Variants in SPAG16 observed in about 807,000 individuals in gnomAD.
SPAG16 encodes sperm associated antigen 16, also known as sperm-associated antigen 16 protein.
Under a neutral mutation model 80.4 loss-of-function variants are expected in SPAG16, and 86 were observed. That is an observed-to-expected ratio of 1.07 (90% confidence interval 0.90 to 1.28). The LOEUF (loss-of-function observed/expected upper bound fraction) is 1.28. Among genes scored for constraint, SPAG16 ranks in the 50% most tolerant of loss-of-function variants. The probability of loss-of-function intolerance (pLI) is 0.00; values close to 1 mark genes in which losing one functional copy is unlikely to be tolerated. For synonymous variants in SPAG16, 294 were observed against 265.9 expected (o/e 1.11, Z -1.03); for missense variants, 870 against 765.3 (o/e 1.14, Z -1.61).
chr2:213,994,399 A>T (rs999682007), intron 12 of SPAG16, among the ~76,000 whole-genome samples: 1 of 152,170 alleles, frequency 6.6e-6, no homozygotes, highest in Non-Finnish European at 1.5e-5. Context: ...GAGGTGAGAT[A>T]ACAGATTCTC....
At chr2:214,076,893 C>T (rs2051108183) in intron 13 of SPAG16, among the ~76,000 whole-genome samples, 1 of 152,022 alleles carries the variant, frequency 6.6e-6, no homozygotes, top group Non-Finnish European at 1.5e-5. Context: ...TGATCAATAG[C>T]AAGTTGGATT....
At chr2:213,395,922 A>C (rs1249777153) in intron 9 of SPAG16, among the ~76,000 whole-genome samples, 6 of 152,188 alleles carry the variant, frequency 3.9e-5, no homozygotes, top group African/African-American at 7.2e-5. Flanking sequence ...TATTCAGATA[A>C]TTGCTGTTTC....
At chr2:214,000,779 A>T (rs1482228952) in intron 12 of SPAG16, among the ~76,000 whole-genome samples, 3 of 152,188 alleles carry the variant, frequency 2.0e-5, no homozygotes, top group Non-Finnish European at 1.5e-5. Context: ...TGGTCAGAAG[A>T]TACTGAGCTT....
chr2:214,348,561 C>T (rs111826583), intron 15 of SPAG16, among the ~76,000 whole-genome samples: 3,175 of 152,212 alleles, frequency 0.021, 133 homozygotes, highest in African/African-American at 0.073. Context: ...CTTTTGGAGT[C>T]CTGAGCTGCC....
At chr2:213,987,830 A>G (rs1032591486) in intron 12 of SPAG16, among the ~76,000 whole-genome samples, 1 of 147,808 alleles carries the variant, frequency 6.8e-6, no homozygotes, top group Non-Finnish European at 1.5e-5. Flanking sequence ...ATACATATTT[A>G]TATTATAAAA....
chr2:213,493,568 T>C (rs2074356428), intron 10 of SPAG16, among the ~76,000 whole-genome samples: 1 of 151,996 alleles, frequency 6.6e-6, no homozygotes, highest in African/African-American at 2.4e-5. Flanking sequence ...CACTAGTTGT[T>C]TGTTTGTTTG....
intron 9 of SPAG16, among the ~76,000 whole-genome samples, chr2:213,378,168 A>G (rs555455181): frequency 3.9e-5 from 6 of 152,158 alleles, no homozygotes; most frequent in Admixed American, 2.0e-4. Flanking sequence ...TATCCTAGCT[A>G]CACTAGGAGC....
At chr2:214,112,154 G>C (rs2053697568) in intron 14 of SPAG16, among the ~76,000 whole-genome samples, 1 of 152,278 alleles carries the variant, frequency 6.6e-6, no homozygotes, top group South Asian at 2.1e-4. Context: ...GTTCTAGTTT[G>C]ATTGCACTGT....
rs184098781 is a variant in SPAG16, at chr2:214,011,309, A to C, written c.1401-2642A>C. 2.4e-3 allele frequency among the ~76,000 whole-genome samples: 345 copies of C among 146,488 alleles called. 53 individuals carry two copies. Among genetic ancestry groups the C allele is most frequent in the African/African-American group, 8.9e-3 (335 of 37,464 alleles). On this transcript the variant is annotated intron_variant, in intron 12 of 15. Coordinates refer to ENST00000331683, the MANE Select transcript of SPAG16 (RefSeq NM_024532.5). ...ATTAAAAATAGCAGGTAAAATTTGT[A>C]CATAAAACAGTAATTTTTTAAAAGA...
intron 10 of SPAG16, among the ~76,000 whole-genome samples, chr2:213,721,913 G>T (rs796725266): frequency 6.6e-6 from 1 of 152,136 alleles, no homozygotes; most frequent in Admixed American, 6.5e-5. Context: ...GCATTTAAGC[G>T]TGTGATTAAC....
intron 10 of SPAG16, among the ~76,000 whole-genome samples, chr2:213,767,974 G>C (rs1045763843): frequency 6.6e-6 from 1 of 152,198 alleles, no homozygotes; most frequent in Non-Finnish European, 1.5e-5. Context: ...AGAAATGGCA[G>C]TGTGTCAAAG....
At chr2:214,189,337 A>G (rs1328510323) in intron 15 of SPAG16, among the ~76,000 whole-genome samples, 1 of 152,132 alleles carries the variant, frequency 6.6e-6, no homozygotes, top group East Asian at 1.9e-4. Context: ...TCACATTAAA[A>G]AAAAAATCAC....
intron 10 of SPAG16, among the ~76,000 whole-genome samples, chr2:213,789,479 G>A (rs980737615): frequency 6.6e-6 from 1 of 151,938 alleles, no homozygotes; most frequent in African/African-American, 2.4e-5. Flanking sequence ...GAGTATGTGT[G>A]GCATCTTTCC....
intron 10 of SPAG16, among the ~76,000 whole-genome samples, chr2:213,664,777 T>G (rs2063542603): frequency 6.6e-6 from 1 of 152,036 alleles, no homozygotes; most frequent in African/African-American, 2.4e-5. Context: ...AAATATTTTT[T>G]CTCTTTCCTC....
chr2:213,518,061 C>T (rs2075507656), intron 10 of SPAG16, among the ~76,000 whole-genome samples: 1 of 152,152 alleles, frequency 6.6e-6, no homozygotes, highest in Admixed American at 6.5e-5. Context: ...ATGCATCTGG[C>T]AAAGGCCTAG....
At chr2:213,660,422 G>A (rs1345290250) in intron 10 of SPAG16, among the ~76,000 whole-genome samples, 1 of 152,062 alleles carries the variant, frequency 6.6e-6, no homozygotes, top group Admixed American at 6.6e-5. Context: ...GTACATATGT[G>A]TGTATGATGT....
intron 9 of SPAG16, among the ~76,000 whole-genome samples, chr2:213,428,511 G>A (rs2070087004): frequency 6.6e-6 from 1 of 152,158 alleles, no homozygotes; most frequent in Non-Finnish European, 1.5e-5. Context: ...AAAGGAGCTT[G>A]GACAGGGGAT....
chr2:214,403,520 A>G (rs1159323329), intron 15 of SPAG16, among the ~76,000 whole-genome samples: 1 of 152,070 alleles, frequency 6.6e-6, no homozygotes, highest in Non-Finnish European at 1.5e-5. Flanking sequence ...TTACAATTAC[A>G]GCACATTCCA....
rs1702215745 is a variant in SPAG16, at chr2:214,410,097, A to T, written c.1721-43A>T. 4 of 1,603,290 alleles carry T rather than the reference A, an allele frequency of 2.5e-6. No homozygotes were observed. In the South Asian group the frequency reaches 4.4e-5, roughly 18 times the overall value. ...ATAAACTGTGAACACTTGAAATAAA[A>T]CTTTGATTCATTCTCTCTCTCTCTC... On this transcript the variant is annotated intron_variant, in intron 15 of 15. Transcript: ENST00000331683.
Sources: gnomAD v4.1 joint callset for allele counts (sites outside exome capture counted in the v4.1 genomes callset) on GRCh38, gnomAD v4.1.1 for gene constraint, MANE v1.5 for transcripts, NCBI Gene and HGNC (gene_info 2026-07-23, HGNC 2026-07-21) for gene names.